The following IL5RA variants were observed in gnomAD, a reference collection of about 807,000 sequenced individuals.
The protein encoded by IL5RA is interleukin-5 receptor subunit alpha.
In IL5RA, 49 loss-of-function variants were observed where a neutral mutation model predicts 50.0. The observed-to-expected ratio is 0.98, with a 90% confidence interval of 0.78 to 1.24. The LOEUF (loss-of-function observed/expected upper bound fraction) is 1.24. Ranked by LOEUF, IL5RA falls within the 50% of genes most tolerant of loss-of-function variation. IL5RA has a pLI of 0.00. For missense variants in IL5RA, 600 were observed against 500.4 expected (o/e 1.20, Z -1.90); for synonymous variants, 202 against 174.0 (o/e 1.16, Z -1.26).
chr3:3,099,658 T>TTTTTTATTA (rs1553752865), intron 5 of IL5RA, among the ~76,000 whole-genome samples: 489 of 144,290 alleles, frequency 3.4e-3, no homozygotes, highest in Non-Finnish European at 5.4e-3. Context: ...TTTTATTTTA[T>TTTTTTATTA]TTATTATTAT....
At chr3:3,090,657 C>T (rs1047789022) in intron 9 of IL5RA, among the ~76,000 whole-genome samples, 20 of 150,148 alleles carry the variant, frequency 1.3e-4, no homozygotes, top group Non-Finnish European at 2.5e-4. Flanking sequence ...AGCTCCGCCT[C>T]CCGGGTTCAC....
At chr3:3,098,900 T>C (rs1703494769) in intron 5 of IL5RA, among the ~76,000 whole-genome samples, 1 of 152,226 alleles carries the variant, frequency 6.6e-6, no homozygotes, top group Non-Finnish European at 1.5e-5. Flanking sequence ...TTGAGGTTGA[T>C]GTCCGGCAAC....
intron 9 of IL5RA, among the ~76,000 whole-genome samples, chr3:3,077,851 C>T: frequency 6.6e-6 from 1 of 152,156 alleles, no homozygotes; most frequent in East Asian, 1.9e-4. Context: ...TGCTTGCTAA[C>T]CTGCCGGATT....
chr3:3,086,337 G>C (rs1702861671), intron 9 of IL5RA, among the ~76,000 whole-genome samples: 1 of 152,190 alleles, frequency 6.6e-6, no homozygotes, highest in Non-Finnish European at 1.5e-5. Flanking sequence ...AAAACACACA[G>C]CTTCATGAAG....
intron 9 of IL5RA, chr3:3,091,920 G>T: frequency 1.1e-6 from 1 of 948,302 alleles, no homozygotes; most frequent in African/African-American, 1.7e-5. Flanking sequence ...TTGTGAGTGT[G>T]ATAATTATTT....
At chr3:3,095,200 T>C (rs1228924979) in intron 8 of IL5RA, 99 bp downstream of exon 8, 1 of 862,118 alleles carries the variant, frequency 1.2e-6, no homozygotes, top group Non-Finnish European at 1.8e-6. Context: ...ACCTTGTTAG[T>C]ACCAAGCTGT....
At chr3:3,086,510 G>GT (rs1702868090) in intron 9 of IL5RA, among the ~76,000 whole-genome samples, 1 of 152,032 alleles carries the variant, frequency 6.6e-6, no homozygotes, top group Non-Finnish European at 1.5e-5. Context: ...ATCTAGGGCA[G>GT]GTGATAACGA....
Position 3,067,714 on chromosome 3 carries a change from G to A in IL5RA, c.*2511C>T, listed in dbSNP as rs1307439436. On this transcript the variant is annotated 3_prime_UTR_variant, in exon 12 of 12. Transcript: ENST00000446632. ...CCCAATCCACCAAGGAGGCCAATGGGCTACTTTGTGTTGCTCCTGAAACAC... is the reference window on the plus strand; with the variant it reads ...CCCAATCCACCAAGGAGGCCAATGGACTACTTTGTGTTGCTCCTGAAACAC... 1 of 152,316 alleles carries A rather than the reference G, an allele frequency of 6.6e-6. No individual in the cohort carries two copies. The highest frequency in any genetic ancestry group is 1.5e-5 in the Non-Finnish European group (1 of 68,120). The allele number at this position is 152,316 out of a possible 1,614,324, so 9.4% of individuals were successfully genotyped here. A position where few individuals can be genotyped will look rare whatever the true frequency, so the allele number is the denominator to read the frequency against.
intron 9 of IL5RA, among the ~76,000 whole-genome samples, chr3:3,085,635 A>C (rs189860319): frequency 3.3e-5 from 5 of 152,296 alleles, no homozygotes; most frequent in Admixed American, 3.3e-4. Context: ...GGACAAAGGT[A>C]CCAAGTCACC....
chr3:3,076,420 C>G, intron 10 of IL5RA, 111 bp downstream of exon 10: 1 of 699,380 alleles, frequency 1.4e-6, no homozygotes, highest in Admixed American at 2.7e-5. Context: ...ACAAAAATGC[C>G]ACAAATTTTA....
chr3:3,100,916 G>C (rs1575006391), intron 5 of IL5RA, among the ~76,000 whole-genome samples: 1 of 151,722 alleles, frequency 6.6e-6, no homozygotes, highest in South Asian at 2.1e-4. Flanking sequence ...GGAGGCCGAG[G>C]CGGGTGGATG....
chr3:3,074,807 T>C lies in IL5RA; in HGVS notation c.1151A>G (p.Asp384Gly). The change falls in exon 11 of 12, where the codon GAT (aspartate) becomes GGT (glycine). Residue 384 changes from aspartate (D) to glycine (G), a missense_variant. Asp to Gly is a moderately conservative substitution (Grantham distance 94). Coordinates refer to ENST00000446632, the MANE Select transcript of IL5RA (RefSeq NM_175726.4). Reference sequence around the variant, plus strand: ...CTCATAGTTAGTGGTTACAAAGAGATCTTTGATATTACTTTTTGGTGCTGG... The same window carrying C: ...CTCATAGTTAGTGGTTACAAAGAGACCTTTGATATTACTTTTTGGTGCTGG... ...PIPAPKSNIK[D>G]LFVTTNYEKA... 1 of 1,607,240 alleles carries C rather than the reference T, an allele frequency of 6.2e-7. No individual in the cohort carries two copies. Among genetic ancestry groups the C allele is most frequent in the Non-Finnish European group, 8.5e-7 (1 of 1,173,754 alleles).
chr3:3,073,754 C>T (rs540800832), intron 11 of IL5RA: 20 of 450,082 alleles, frequency 4.4e-5, no homozygotes, highest in Admixed American at 7.3e-5. Context: ...ACAATCTCAC[C>T]CCAAATCCCA....
chr3:3,071,551 CAGTGTGTG>C (rs1702295844), intron 11 of IL5RA, among the ~76,000 whole-genome samples: 1 of 126,442 alleles, frequency 7.9e-6, no homozygotes, highest in African/African-American at 3.0e-5. Flanking sequence ...TCTTCCTTCA[CAGTGTGTG>C]TGTGTGTGTG....
At chr3:3,071,520 T>C (rs932509501) in intron 11 of IL5RA, among the ~76,000 whole-genome samples, 1 of 151,900 alleles carries the variant, frequency 6.6e-6, no homozygotes, top group Admixed American at 6.6e-5. Flanking sequence ...GCCTTTCTTT[T>C]TGACTGCTAA....
chr3:3,098,120 A>T lies in IL5RA; in HGVS notation c.521+17T>A, dbSNP rs763896663. On this transcript the variant is annotated intron_variant, in intron 6 of 11. Coordinates refer to ENST00000446632, the MANE Select transcript of IL5RA (RefSeq NM_175726.4). ...GAAACAACCATTTGCCTAAGTAAAA[A>T]TAGGTACAGTACTAACCTATAGTAG... is the stretch of plus-strand genomic sequence containing the variant. 8 of 1,614,106 alleles carry T rather than the reference A, an allele frequency of 5.0e-6. No individual in the cohort carries two copies. The South Asian group carries it at 7.7e-5, about 16-fold the overall frequency.
At chr3:3,084,286 A>C (rs1320401930) in intron 9 of IL5RA, among the ~76,000 whole-genome samples, 1 of 152,210 alleles carries the variant, frequency 6.6e-6, no homozygotes, top group East Asian at 1.9e-4. Context: ...AAATTCATCA[A>C]GATAATTTCC....
chr3:3,080,819 G>A (rs548066114), intron 9 of IL5RA, among the ~76,000 whole-genome samples: 3 of 152,170 alleles, frequency 2.0e-5, no homozygotes, highest in East Asian at 3.9e-4. Context: ...CTTAGCCTCC[G>A]AAGTAGCTGG....
At chr3:3,084,143 C>T (rs1388204509) in intron 9 of IL5RA, among the ~76,000 whole-genome samples, 1 of 151,846 alleles carries the variant, frequency 6.6e-6, no homozygotes, top group Non-Finnish European at 1.5e-5. Context: ...GCTTCTATGT[C>T]CTGCATTATA....
Sources: allele counts gnomAD v4.1 joint callset (sites outside exome capture counted in the v4.1 genomes callset), GRCh38; gene constraint gnomAD v4.1.1; transcripts MANE v1.5; gene names NCBI Gene and HGNC (gene_info 2026-07-23, HGNC 2026-07-21).